Variants in RTN1 observed in about 807,000 individuals in gnomAD.
The protein encoded by RTN1 is reticulon 1.
Under a neutral mutation model 65.5 loss-of-function variants are expected in RTN1, and 25 were observed. That is an observed-to-expected ratio of 0.38 (90% confidence interval 0.28 to 0.53). The LOEUF is 0.53. Among genes scored for constraint, RTN1 ranks in the 20% least tolerant of loss-of-function variants. RTN1 has a pLI of 0.79. For missense variants in RTN1, 983 were observed against 1,025.4 expected (o/e 0.96, Z 0.57); for synonymous variants, 471 against 447.6 (o/e 1.05, Z -0.66).
chr14:59,597,601 T>A (rs1881442607), intron 8 of RTN1, among the ~76,000 whole-genome samples: 1 of 152,258 alleles, frequency 6.6e-6, no homozygotes, highest in Non-Finnish European at 1.5e-5. Context: ...CATGGAGTTT[T>A]CATTCCTGTA....
chr14:59,771,465 G>C (rs1383124419), intron 1 of RTN1, among the ~76,000 whole-genome samples: 2 of 152,184 alleles, frequency 1.3e-5, no homozygotes, highest in Admixed American at 1.3e-4. Flanking sequence ...TACCACAGAG[G>C]TATGTGAATC....
At chr14:59,820,368 T>G (rs1331043628) in intron 1 of RTN1, among the ~76,000 whole-genome samples, 2 of 149,490 alleles carry the variant, frequency 1.3e-5, no homozygotes, top group Non-Finnish European at 3.0e-5. Context: ...TTTTTTTTTT[T>G]TTTTTTTTTT....
intron 3 of RTN1, among the ~76,000 whole-genome samples, chr14:59,686,530 G>A (rs1268304099): frequency 2.0e-5 from 3 of 152,198 alleles, no homozygotes; most frequent in Non-Finnish European, 2.9e-5. Context: ...TTAAGACAGT[G>A]CATAAAGATA....
At chr14:59,756,489 C>G (rs193163490) in intron 1 of RTN1, among the ~76,000 whole-genome samples, 1 of 152,270 alleles carries the variant, frequency 6.6e-6, no homozygotes, top group Admixed American at 6.5e-5. Flanking sequence ...CCACCACTAT[C>G]TTCTAATTCA....
At chr14:59,854,026 G>A (rs768294002) in intron 1 of RTN1, among the ~76,000 whole-genome samples, 10 of 151,588 alleles carry the variant, frequency 6.6e-5, no homozygotes, top group South Asian at 2.1e-4. Flanking sequence ...CACCACCTCC[G>A]GCTAATTTTT....
At chr14:59,688,856 C>G (rs991816282) in intron 3 of RTN1, among the ~76,000 whole-genome samples, 1 of 152,014 alleles carries the variant, frequency 6.6e-6, no homozygotes, top group Non-Finnish European at 1.5e-5. Flanking sequence ...AAATTAGAAA[C>G]GCCAGCATTT....
chr14:59,603,710 G>T, intron 6 of RTN1, 142 bp downstream of exon 6: 1 of 519,068 alleles, frequency 1.9e-6, no homozygotes, highest in Non-Finnish European at 3.5e-6. Context: ...AACTATGATG[G>T]TAAGAGAAGT....
At chr14:59,644,576 A>AC (rs1375306078) in intron 3 of RTN1, among the ~76,000 whole-genome samples, 2 of 151,950 alleles carry the variant, frequency 1.3e-5, no homozygotes, top group Non-Finnish European at 2.9e-5. Flanking sequence ...GGGAGGTTAG[A>AC]CCCCCATACA....
chr14:59,659,950 T>C (rs1883208971), intron 3 of RTN1, among the ~76,000 whole-genome samples: 1 of 147,662 alleles, frequency 6.8e-6, no homozygotes, highest in Non-Finnish European at 1.5e-5. Context: ...ACTGGCAAAT[T>C]GGATAAAGAG....
chr14:59,759,959 T>C (rs1305998977), intron 1 of RTN1, among the ~76,000 whole-genome samples: 1 of 152,176 alleles, frequency 6.6e-6, no homozygotes, highest in African/African-American at 2.4e-5. Context: ...GGAATTCCTA[T>C]CCAGATTACA....
At chr14:59,600,077 T>C (rs1322769660) in intron 8 of RTN1, among the ~76,000 whole-genome samples, 2 of 152,172 alleles carry the variant, frequency 1.3e-5, no homozygotes, top group Admixed American at 1.3e-4. Context: ...TTTTCAAAAC[T>C]CTAAGAAGTG....
chr14:59,637,738 C>T (rs1242246325), intron 3 of RTN1, among the ~76,000 whole-genome samples: 2 of 150,804 alleles, frequency 1.3e-5, no homozygotes, highest in African/African-American at 4.9e-5. Context: ...TTGGAATCAA[C>T]ATTTTCCAAA....
chr14:59,692,444 C>T (rs1883981353), intron 3 of RTN1, among the ~76,000 whole-genome samples: 2 of 152,148 alleles, frequency 1.3e-5, no homozygotes, highest in South Asian at 4.1e-4. Context: ...GTATTTCATG[C>T]TCATGGATTG....
chr14:59,702,808 TG>T (rs755583634), intron 3 of RTN1, among the ~76,000 whole-genome samples: 37 of 152,202 alleles, frequency 2.4e-4, no homozygotes, highest in Admixed American at 6.5e-5. Context: ...TTTCACCCCA[TG>T]GGGGTCCCAT....
At chr14:59,638,102 T>C (rs545377556) in intron 3 of RTN1, among the ~76,000 whole-genome samples, 67 of 152,212 alleles carry the variant, frequency 4.4e-4, no homozygotes, top group African/African-American at 1.5e-3. Context: ...TCCGCCCCCT[T>C]CAGTCTCCCA....
intron 3 of RTN1, among the ~76,000 whole-genome samples, chr14:59,662,799 C>T (rs1290085850): frequency 2.0e-5 from 3 of 152,160 alleles, no homozygotes; most frequent in Non-Finnish European, 4.4e-5. Flanking sequence ...ACTCCATGCT[C>T]ATGGATAGGA....
chr14:59,752,205 T>G (rs531499913), intron 1 of RTN1, among the ~76,000 whole-genome samples: 1 of 152,266 alleles, frequency 6.6e-6, no homozygotes, highest in Admixed American at 6.5e-5. Flanking sequence ...AAAAAGACTA[T>G]AAACTATGTA....
intron 1 of RTN1, among the ~76,000 whole-genome samples, chr14:59,837,046 A>ATATATATATATATATATATATAT (rs869290068): frequency 1.2e-5 from 1 of 83,450 alleles, no homozygotes; most frequent in African/African-American, 4.7e-5. Flanking sequence ...TATATATATA[A>ATATATATATATATATATATATAT]AAGGAGAAAT....
intron 1 of RTN1, among the ~76,000 whole-genome samples, chr14:59,851,231 T>G (rs1393456517): frequency 6.6e-6 from 1 of 152,192 alleles, no homozygotes; most frequent in Non-Finnish European, 1.5e-5. Context: ...AACATAATCA[T>G]TATTGTTAGG....
Sources: allele counts gnomAD v4.1 joint callset (sites outside exome capture counted in the v4.1 genomes callset), GRCh38; gene constraint gnomAD v4.1.1; transcripts MANE v1.5; gene names NCBI Gene and HGNC (gene_info 2026-07-23, HGNC 2026-07-21).